Variants in TDG observed in about 807,000 individuals in gnomAD.
TDG encodes thymine DNA glycosylase, also known as G/T mismatch-specific thymine DNA glycosylase.
In TDG, 23 loss-of-function variants were observed where a neutral mutation model predicts 46.1. The observed-to-expected ratio is 0.50, with a 90% CI of 0.36 to 0.71. The LOEUF is 0.71. Ranked by LOEUF, TDG falls within the 30% of genes least tolerant of loss-of-function variation. The pLI is 0.00. For synonymous variants in TDG, 115 were observed against 161.3 expected, an observed-to-expected ratio of 0.71 and a Z score of 2.18; for missense variants, 304 against 486.7, an observed-to-expected ratio of 0.62 and a Z score of 3.53.
intron 8 of TDG, 95 bp downstream of exon 8, chr12:103,985,015 A>T: frequency 2.0e-6 from 2 of 1,017,672 alleles, no homozygotes; most frequent in South Asian, 4.7e-5. Context: ...ATATACATAT[A>T]CACATATACA....
Position 103,979,990 on chromosome 12 carries a change from A to T in TDG, c.326A>T (p.Asp109Val). The change falls in exon 3 of 10, where the codon GAC (aspartate) becomes GTC (valine). Residue 109 changes from aspartate to valine, a missense_variant. Asp to Val is a radical substitution (Grantham distance 152, BLOSUM62 -3). Transcript: ENST00000392872. ...ACATTTAAAGTAAAAAGAAAAGTAG[A>T]CCGTTTTAATGGTGTTTCAGAAGCT... ...TDTFKVKRKVDRFNGVSEAEL... is the reference protein window; with the variant it reads ...TDTFKVKRKVVRFNGVSEAEL... 6.2e-7 allele frequency: 1 copy of T among 1,613,514 alleles called. No individual in the cohort carries two copies. Among genetic ancestry groups the T allele is most frequent in the Non-Finnish European group, 8.5e-7 (1 of 1,179,992 alleles).
At chr12:103,975,904 T>A (rs1038410587) in intron 1 of TDG, among the ~76,000 whole-genome samples, 1 of 150,072 alleles carries the variant, frequency 6.7e-6, no homozygotes, top group African/African-American at 2.4e-5. Context: ...TCAGGTGATC[T>A]ACCCTCCTCG....
intron 1 of TDG, chr12:103,972,863 A>AT (rs1179947740): frequency 2.2e-6 from 1 of 464,506 alleles, no homozygotes; most frequent in Non-Finnish European, 3.8e-6. Context: ...AAGATGATTA[A>AT]TGACCTCCGA....
chr12:103,977,263 G>A (rs1007536365), intron 2 of TDG, among the ~76,000 whole-genome samples: 25 of 152,192 alleles, frequency 1.6e-4, no homozygotes, highest in African/African-American at 5.5e-4. Context: ...TAATCTAGTA[G>A]AGAAAAGTAA....
intron 6 of TDG, 35 bp from the exon 7 acceptor site, chr12:103,983,260 A>G (rs994572945): frequency 1.9e-6 from 3 of 1,571,020 alleles, no homozygotes; most frequent in Non-Finnish European, 2.6e-6. Context: ...TGCTAACATT[A>G]TGGGCAATGT....
At chr12:103,969,884 T>TG (rs747410434) in intron 1 of TDG, among the ~76,000 whole-genome samples, 6 of 152,146 alleles carry the variant, frequency 3.9e-5, no homozygotes, top group Non-Finnish European at 8.8e-5. Context: ...CACCAAAAAA[T>TG]GAAGAAATTT....
chr12:103,985,407 G>A (rs968485417), intron 8 of TDG, among the ~76,000 whole-genome samples, 196 bp from the exon 9 acceptor site: 1 of 152,024 alleles, frequency 6.6e-6, no homozygotes, highest in Non-Finnish European at 1.5e-5. Context: ...TGTACCCTAC[G>A]TAAAGTTGAA....
In TDG at chr12:103,983,167, G is replaced by A. The variant is rs753034526; in HGVS notation, c.646G>A (p.Val216Ile). Residue 216 changes from valine (V) to isoleucine (I), a missense_variant, in exon 6 of 10, where the codon GTA becomes ATA. Coordinates refer to ENST00000392872, the MANE Select transcript of TDG (RefSeq NM_003211.6). ...ATTTCGTGAAGGAGGACGTATTCTAGTACAGAAATTACAGAAATATCAGCC... is the reference window on the plus strand; with the variant it reads ...ATTTCGTGAAGGAGGACGTATTCTAATACAGAAATTACAGAAATATCAGCC... ...KEFREGGRIL[V>I]QKLQKYQPRI... 3.7e-6 allele frequency: 6 copies of A among 1,607,608 alleles called. No individual in the cohort carries two copies. The highest frequency in any genetic ancestry group is 5.1e-6 in the Non-Finnish European group (6 of 1,178,046).
intron 1 of TDG, chr12:103,972,880 TAA>T (rs1871345111): frequency 3.3e-6 from 2 of 603,978 alleles, no homozygotes; most frequent in South Asian, 4.0e-5. Flanking sequence ...CCGACTATAC[TAA>T]AAGTTTTGAA....
intron 9 of TDG, 63 bp from the exon 10 acceptor site, chr12:103,986,885 T>C: frequency 6.3e-7 from 1 of 1,576,822 alleles, no homozygotes; most frequent in African/African-American, 1.3e-5. Context: ...ACCCAGTCTC[T>C]ACTTTAAAAA....
chr12:103,979,699 A>T, intron 2 of TDG, 132 bp from the exon 3 acceptor site: 1 of 1,125,208 alleles, frequency 8.9e-7, no homozygotes, highest in African/African-American at 1.6e-5. Flanking sequence ...GAGGAGACTC[A>T]TGTTGGGACT....
Position 103,979,815 on chromosome 12 carries a change from A to AT in TDG, c.167-14dup. On this transcript the variant is annotated splice_polypyrimidine_tract_variant and intron_variant, in intron 2 of 9. Coordinates refer to ENST00000392872, the MANE Select transcript of TDG (RefSeq NM_003211.6). ...GTTAAGATTTTCTGCATTTCTGGAA[A>AT]TTATTTGTATTTCAGAGGCTCCAAA... 1 of 1,535,034 alleles carries AT rather than the reference A, an allele frequency of 6.5e-7. No individual in the cohort carries two copies. The highest frequency in any genetic ancestry group is 8.7e-7 in the Non-Finnish European group (1 of 1,150,412).
Position 103,980,527 on chromosome 12 carries a change from C to T in TDG, c.409-366C>T, listed in dbSNP as rs186148992. 144 of 225,514 alleles carry T rather than the reference C, an allele frequency of 6.4e-4. 1 individual carries two copies. Among genetic ancestry groups the T allele is most frequent in the African/African-American group, 3.2e-3 (140 of 43,320 alleles). 14.0% of individuals were successfully genotyped at this position (225,514 alleles called of 1,614,324 possible). A position where few individuals can be genotyped will look rare whatever the true frequency, so the allele number is the denominator to read the frequency against. Reference sequence around the variant, plus strand: ...GAACAATTGTGTAGGTGATGTGGAGCGAGCTTCTTGTTGAAAGTTGAGAAT... The same window carrying T: ...GAACAATTGTGTAGGTGATGTGGAGTGAGCTTCTTGTTGAAAGTTGAGAAT... On this transcript the variant is annotated intron_variant, in intron 3 of 9. Transcript: ENST00000392872.
chr12:103,983,528 A>G (rs574130867), intron 7 of TDG, 139 bp downstream of exon 7: 1 of 550,738 alleles, frequency 1.8e-6, no homozygotes, highest in South Asian at 3.3e-5. Flanking sequence ...CCTATACATC[A>G]GCTTTAACTA....
intron 1 of TDG, among the ~76,000 whole-genome samples, chr12:103,973,372 A>G (rs770626319): frequency 6.6e-6 from 1 of 152,216 alleles, no homozygotes; most frequent in Non-Finnish European, 1.5e-5. Context: ...GGCGTGAGCC[A>G]CTGCACCCAG....
At chr12:103,985,540 A>G in intron 8 of TDG, 63 bp from the exon 9 acceptor site, 1 of 1,529,302 alleles carries the variant, frequency 6.5e-7, no homozygotes, top group Non-Finnish European at 8.8e-7. Context: ...TGATTTCTGA[A>G]TAAAGCTACT....
At position 103,977,128 on chromosome 12, in the gene TDG, A is replaced by C. The variant is rs905839191; in HGVS notation, c.166+68A>C. The C allele has an allele frequency of 2.6e-5, 40 of 1,555,938 alleles. No homozygotes were observed. The African/African-American group carries it at 5.3e-4, about 20-fold the overall frequency. On this transcript the variant is annotated intron_variant, in intron 2 of 9. Coordinates refer to ENST00000392872, the MANE Select transcript of TDG (RefSeq NM_003211.6). ...GCCAGCTTATTTGAGAAAGGGTTTCATGGTGAATTTTAGCTCTATTTTAGT... is the reference window on the plus strand; with the variant it reads ...GCCAGCTTATTTGAGAAAGGGTTTCCTGGTGAATTTTAGCTCTATTTTAGT...
intron 9 of TDG, 138 bp downstream of exon 9, chr12:103,985,866 A>C: frequency 4.1e-6 from 4 of 972,526 alleles, no homozygotes; most frequent in Non-Finnish European, 5.7e-6. Flanking sequence ...TAATAGTGAA[A>C]AATTGATGGT....
chr12:103,983,320 A>T lies in TDG; in HGVS notation c.723A>T (p.Glu241Asp). Residue 241 changes from glutamate to aspartate, a missense_variant, in exon 7 of 10, where the codon GAA becomes GAT. By Grantham distance (45) the Glu-to-Asp change is conservative (BLOSUM62 2). Coordinates refer to ENST00000392872, the MANE Select transcript of TDG (RefSeq NM_003211.6). ...GTATTTATGAAATTTTTAGTAAAGA[A>T]GTTTTTGGAGTAAAGGTTAAGAACT... ...GKCIYEIFSK[E>D]VFGVKVKNLE... The T allele has an allele frequency of 6.3e-7, 1 of 1,595,312 alleles. No homozygotes were observed. The highest frequency in any genetic ancestry group is 8.5e-7 in the Non-Finnish European group (1 of 1,174,116).
Sources: gnomAD v4.1 joint callset for allele counts (sites outside exome capture counted in the v4.1 genomes callset) on GRCh38, gnomAD v4.1.1 for gene constraint, MANE v1.5 for transcripts, NCBI Gene and HGNC (gene_info 2026-07-23, HGNC 2026-07-21) for gene names.